The following PPP1R3F variants were observed in gnomAD, a reference collection of about 807,000 sequenced individuals.
PPP1R3F encodes the protein protein phosphatase 1, regulatory (inhibitor) subunit 3F.
Under a neutral mutation model 24.2 loss-of-function variants are expected in PPP1R3F, and 29 were observed. The observed-to-expected ratio is 1.20, with a 90% CI of 0.89 to 1.63. The LOEUF (loss-of-function observed/expected upper bound fraction) is 1.63. Among genes scored for constraint, PPP1R3F ranks in the 40% most tolerant of loss-of-function variants. The pLI, the probability that PPP1R3F is intolerant of heterozygous loss-of-function variation, is 0.00. For missense variants in PPP1R3F, 823 were observed against 729.3 expected (o/e 1.13, Z -1.48); for synonymous variants, 363 against 340.1 (o/e 1.07, Z -0.74).
chrX:49,279,791 A>G (rs782085888), intron 1 of PPP1R3F, among the ~76,000 whole-genome samples: 4 of 112,699 alleles, frequency 3.5e-5, no homozygotes, highest in Non-Finnish European at 5.6e-5. Flanking sequence ...GTTTTAGTCA[A>G]TGCTTCCCTC....
chrX:49,290,491 G>A (rs1231758947), downstream of PPP1R3F, among the ~76,000 whole-genome samples: 1 of 111,048 alleles, frequency 9.0e-6, no homozygotes, highest in African/African-American at 3.3e-5. Context: ...CTGGAACCCC[G>A]AGCCCTGGTG....
rs1171362697 is a variant in PPP1R3F at position 49,270,031 on chromosome X, C to T, written c.162C>T (p.Tyr54=). Residue 54 remains tyrosine, a synonymous_variant, in exon 1 of 4, where the codon TAC becomes TAT. Transcript: ENST00000055335. ...LGLPLAQLRR[Y]RPWGGPGAGK... is the part of the protein sequence containing the mutation. ...TGCCGCTGGCGCAGTTGCGCCGCTA[C>T]CGGCCGTGGGGCGGGCCCGGGGCGG... 2.6e-4 allele frequency: 240 copies of T among 939,796 alleles called. No homozygotes were observed. The highest frequency in any genetic ancestry group is 1.8e-3 in the Middle Eastern group (4 of 2,264). 77.4% of individuals were successfully genotyped at this position (939,796 alleles called of 1,213,427 possible).
rs61353822 is a variant in PPP1R3F, at chrX:49,297,828, C to CTTT, written c.393-3500_393-3498dup. 3.4e-3 allele frequency among the ~76,000 whole-genome samples: 67 copies of CTTT among 19,613 alleles called. 1 individual carries two copies. The highest frequency in any genetic ancestry group is 0.011 in the African/African-American group (38 of 3,381). The allele number at this position is 19,613 out of a possible 115,157, so 17.0% of individuals were successfully genotyped here. A position where few individuals can be genotyped will look rare whatever the true frequency, so the allele number is the denominator to read the frequency against. ...TCAGAGACTAGGATTGCAACCCCTG[C>CTTT]TTTTTTTTTTTTTTTTTTTTTTTTT... On this transcript the variant is annotated intron_variant, in intron 3 of 3. Transcript: ENST00000471261.
downstream of PPP1R3F, among the ~76,000 whole-genome samples, chrX:49,291,679 T>A (rs1254244865): frequency 2.7e-5 from 3 of 110,322 alleles, no homozygotes; most frequent in Admixed American, 9.7e-5. Context: ...AAACTCTATT[T>A]TTATCACCCA....
rs60224301 is a variant in PPP1R3F, at chrX:49,279,912, T to C, written c.1005-1494T>C. The stretch of plus-strand genomic sequence containing the variant: ...ACCCACCTGAAATGCACTCGGCTTA[T>C]GCCACTCAGGGATCTGACTGGCCTG... On this transcript the variant is annotated intron_variant, in intron 1 of 3. Coordinates refer to ENST00000055335, the MANE Select transcript of PPP1R3F (RefSeq NM_033215.5). Among the ~76,000 whole-genome samples the C allele has an allele frequency of 7.4e-3, 829 of 112,595 alleles. 6 individuals are homozygous for C. Among genetic ancestry groups the C allele is most frequent in the African/African-American group, 0.024 (759 of 31,017 alleles).
In PPP1R3F at chrX:49,285,847, C is replaced by T. The variant is rs781865197; in HGVS notation, c.1157C>T (p.Pro386Leu). 10 of 1,144,961 alleles carry T rather than the reference C, an allele frequency of 8.7e-6. No homozygotes were observed. The East Asian group carries it at 1.2e-4, about 14-fold the overall frequency. The allele number at this position is 1,144,961 out of a possible 1,213,427, so 94.4% of individuals were successfully genotyped here. The change falls in exon 4 of 4, where the codon CCG (proline) becomes CTG (leucine). Residue 386 changes from proline to leucine, a missense_variant. Coordinates refer to ENST00000055335, the MANE Select transcript of PPP1R3F (RefSeq NM_033215.5). Reference protein sequence around the residue: ...PQMTLQVSDVPMTGNPAEEGD... With the variant: ...PQMTLQVSDVLMTGNPAEEGD... ...CCATGGCTCCAGGTTTCTGACGTTC[C>T]GATGACTGGCAACCCCGCAGAAGAA...
chrX:49,292,714 A>G (rs2066312447), downstream of PPP1R3F, among the ~76,000 whole-genome samples: 1 of 112,375 alleles, frequency 8.9e-6, no homozygotes, highest in African/African-American at 3.2e-5. Flanking sequence ...GTATGGCTTG[A>G]GGGATGCACA....
rs782644687 is a variant in PPP1R3F at position 49,300,420 on chromosome X, C to T, written c.393-931C>T. 8.3e-5 allele frequency among the ~76,000 whole-genome samples: 9 copies of T among 107,969 alleles called. No individual in the cohort carries two copies. The South Asian group carries it at 3.6e-3, about 43-fold the overall frequency. 93.8% of individuals were successfully genotyped at this position (107,969 alleles called of 115,157 possible). A position where few individuals can be genotyped will look rare whatever the true frequency, so the allele number is the denominator to read the frequency against. On this transcript the variant is annotated intron_variant, in intron 3 of 3. Coordinates refer to the PPP1R3F transcript ENST00000471261. ...GAAATCACCCACCTTCTGCCTTGAT[C>T]TCACTGGGAGCTGCAGACCAGAGGT...
At chrX:49,272,714 T>C (rs56070337) in intron 1 of PPP1R3F, among the ~76,000 whole-genome samples, 97 of 112,623 alleles carry the variant, frequency 8.6e-4, no homozygotes, top group African/African-American at 3.0e-3. Context: ...CTGCAAAAGA[T>C]AACTGGCCAG....
At chrX:49,284,509 C>CTTTTTTTTTTTTTTTTTTTTTTT (rs145170789) in intron 3 of PPP1R3F, among the ~76,000 whole-genome samples, 4 of 50,855 alleles carry the variant, frequency 7.9e-5, no homozygotes, top group African/African-American at 2.2e-4. Flanking sequence ...CTTTTTCTTT[C>CTTTTTTTTTTTTTTTTTTTTTTT]TTTTTTTTTT....
downstream of PPP1R3F, among the ~76,000 whole-genome samples, chrX:49,291,317 TCTCTCTC>T (rs2066308233): frequency 1.7e-5 from 1 of 59,774 alleles, no homozygotes; most frequent in African/African-American, 4.2e-5. Context: ...TCTCTCTCTC[TCTCTCTC>T]TCTGTCTCTC....
At chrX:49,291,288 T>TTCTCTCTCTCTCTCTC (rs781932322), downstream of PPP1R3F, among the ~76,000 whole-genome samples, 376 of 50,571 alleles carry the variant, frequency 7.4e-3, 12 homozygotes, top group African/African-American at 0.021. Context: ...CAGCCTACTT[T>TTCTCTCTCTCTCTCTC]TCTCTCTCTC....
chrX:49,270,789 A>C lies in PPP1R3F; in HGVS notation c.920A>C (p.Gln307Pro). The C allele has an allele frequency of 8.4e-7, 1 of 1,193,854 alleles. No individual in the cohort carries two copies. The highest frequency in any genetic ancestry group is 1.1e-6 in the Non-Finnish European group (1 of 886,442). The stretch of plus-strand genomic sequence containing the variant: ...CTGCCCCAGCAGCAGCAGCTGCCGC[A>C]GCTGGAGCCACAGCCCGAGTGCCAG... ...EGLPQQQQLP[Q>P]LEPQPECQGP... The change falls in exon 1 of 4, where the codon CAG (glutamine) becomes CCG (proline). Residue 307 changes from glutamine (Q) to proline (P), a missense_variant. Gln to Pro is a moderately conservative substitution (Grantham distance 76). Coordinates refer to ENST00000055335, the MANE Select transcript of PPP1R3F (RefSeq NM_033215.5).
chrX:49,286,735 C>T lies in PPP1R3F; in HGVS notation c.2045C>T (p.Ala682Val). 8.3e-7 allele frequency: 1 copy of T among 1,205,185 alleles called. No individual in the cohort carries two copies. Among genetic ancestry groups the T allele is most frequent in the Non-Finnish European group, 1.1e-6 (1 of 891,688 alleles). ...EAQIEVTSEW[A>V]GSLDPISGKE... ...CAGATAGAGGTCACCAGTGAGTGGG[C>T]AGGCAGCTTGGATCCCATATCTGGC... Residue 682 changes from alanine to valine, a missense_variant, in exon 4 of 4, where the codon GCA becomes GTA. Coordinates refer to ENST00000055335, the MANE Select transcript of PPP1R3F (RefSeq NM_033215.5).
In PPP1R3F at chrX:49,286,867, C is replaced by T. The variant is rs1188106492; in HGVS notation, c.2177C>T (p.Ser726Phe). The change falls in exon 4 of 4, where the codon TCC (serine) becomes TTC (phenylalanine). Residue 726 changes from serine (S) to phenylalanine (F), a missense_variant. By Grantham distance (155) the Ser-to-Phe change is radical. Coordinates refer to ENST00000055335, the MANE Select transcript of PPP1R3F (RefSeq NM_033215.5). ...LSSVARPHVS[S>F]QDEKDAGPSL... is the part of the protein sequence containing the mutation. ...AGTGTAGCCAGGCCTCATGTGAGCTCCCAGGATGAAAAGGATGCAGGCCCA... is the reference window on the plus strand; with the variant it reads ...AGTGTAGCCAGGCCTCATGTGAGCTTCCAGGATGAAAAGGATGCAGGCCCA... The T allele has an allele frequency of 1.7e-6, 2 of 1,191,809 alleles. No homozygotes were observed. Among genetic ancestry groups the T allele is most frequent in the African/African-American group, 3.5e-5 (2 of 57,393 alleles).
rs370362519 is a variant in PPP1R3F, at chrX:49,270,723, T to C, written c.854T>C (p.Leu285Pro). The C allele has an allele frequency of 1.5e-5, 18 of 1,205,258 alleles. No individual in the cohort carries two copies. The highest frequency in any genetic ancestry group is 7.0e-5 in the African/African-American group (4 of 57,396). ...NNHGRNYTVL[L>P]RIAPAPTPTD... is the part of the protein sequence containing the mutation. ...CACGGCCGCAACTACACAGTCCTGCTCCGGATCGCACCCGCTCCCACACCC... is the reference window on the plus strand; with the variant it reads ...CACGGCCGCAACTACACAGTCCTGCCCCGGATCGCACCCGCTCCCACACCC... The change falls in exon 1 of 4, where the codon CTC (leucine) becomes CCC (proline). Residue 285 changes from leucine (L) to proline (P), a missense_variant. By Grantham distance (98) the Leu-to-Pro change is moderately conservative. Coordinates refer to ENST00000055335, the MANE Select transcript of PPP1R3F (RefSeq NM_033215.5).
At chrX:49,297,539 C>A (rs1467011154) in intron 3 of PPP1R3F, among the ~76,000 whole-genome samples, 2 of 110,291 alleles carry the variant, frequency 1.8e-5, no homozygotes, top group African/African-American at 6.6e-5. Context: ...TTAGTAGAGG[C>A]AGGGTTTCAC....
intron 3 of PPP1R3F, among the ~76,000 whole-genome samples, chrX:49,282,665 T>C (rs781867138): frequency 2.7e-4 from 29 of 107,880 alleles, no homozygotes; most frequent in Non-Finnish European, 4.2e-4. Flanking sequence ...ATGACTAACG[T>C]GTGTGAGGGA....
chrX:49,284,427 CTCTT>C (rs782308850), intron 3 of PPP1R3F, among the ~76,000 whole-genome samples: 11 of 101,903 alleles, frequency 1.1e-4, no homozygotes, highest in African/African-American at 1.8e-4. Flanking sequence ...CTTTGTCTCT[CTCTT>C]TCTTTCTTTT....
Sources: gnomAD v4.1 joint callset for allele counts (sites outside exome capture counted in the v4.1 genomes callset) on GRCh38, gnomAD v4.1.1 for gene constraint, MANE v1.5 for transcripts, NCBI Gene and HGNC (gene_info 2026-07-23, HGNC 2026-07-21) for gene names.